The following MTMR7 variants were observed in gnomAD, a reference collection of about 807,000 sequenced individuals.
MTMR7 encodes the protein phosphatidylinositol-3-phosphate phosphatase MTMR7.
Under a neutral mutation model 81.2 loss-of-function variants are expected in MTMR7, and 76 were observed. That is an observed-to-expected ratio of 0.94 (90% CI 0.78 to 1.13). MTMR7 has a LOEUF of 1.13. MTMR7 is among the 50% of genes most tolerant of loss of function. The probability of loss-of-function intolerance (pLI) is 0.00; values close to 1 mark genes in which losing one functional copy is unlikely to be tolerated. For synonymous variants in MTMR7, 372 were observed against 289.8 expected (o/e 1.28, Z -2.88); for missense variants, 1,044 against 820.0 (o/e 1.27, Z -3.34).
intron 3 of MTMR7, among the ~76,000 whole-genome samples, chr8:17,364,647 C>T (rs1474581329): frequency 2.0e-5 from 3 of 152,170 alleles, no homozygotes; most frequent in Non-Finnish European, 2.9e-5. Context: ...GTCATAGATC[C>T]CACATGTAAG....
rs1011275826 is a variant in MTMR7 at position 17,297,436 on chromosome 8, GTAAAC to G, written c.*2421_*2425del. 6.6e-6 allele frequency: 1 copy of G among 151,622 alleles called. No individual in the cohort carries two copies. Among genetic ancestry groups the G allele is most frequent in the Non-Finnish European group, 1.5e-5 (1 of 67,720 alleles). The allele number at this position is 151,622 out of a possible 1,614,324, so 9.4% of individuals were successfully genotyped here. Reference sequence around the variant, plus strand: ...TCAGATTCATTTTTAGGAGAAGAAAGTAAACTAATGTGCTCTTAAAGAATAAAAAT... The same window carrying G: ...TCAGATTCATTTTTAGGAGAAGAAAGTAATGTGCTCTTAAAGAATAAAAAT... On this transcript the variant is annotated 3_prime_UTR_variant, in exon 14 of 14. Transcript: ENST00000180173.
chr8:17,325,119 C>T (rs144002582), intron 7 of MTMR7, among the ~76,000 whole-genome samples: 2 of 152,168 alleles, frequency 1.3e-5, no homozygotes, highest in African/African-American at 4.8e-5. Context: ...AAAGGGACAT[C>T]GGAACCGACA....
intron 7 of MTMR7, among the ~76,000 whole-genome samples, chr8:17,319,314 C>A (rs1280261587): frequency 6.6e-6 from 1 of 152,198 alleles, no homozygotes; most frequent in Non-Finnish European, 1.5e-5. Context: ...AAGCATTACA[C>A]TGGCATAAAG....
intron 5 of MTMR7, among the ~76,000 whole-genome samples, chr8:17,344,946 C>G (rs376898375): frequency 6.6e-6 from 1 of 151,896 alleles, no homozygotes; most frequent in African/African-American, 2.4e-5. Flanking sequence ...ATGCTGTGCA[C>G]CATCTTAAAG....
chr8:17,348,515 A>C (rs1450961703), intron 5 of MTMR7, among the ~76,000 whole-genome samples: 2 of 145,858 alleles, frequency 1.4e-5, no homozygotes, highest in Non-Finnish European at 3.0e-5. Context: ...GCACCACTGC[A>C]CTCTAGCCCA....
intron 4 of MTMR7, among the ~76,000 whole-genome samples, chr8:17,360,481 T>TC (rs1421051095): frequency 1.3e-5 from 2 of 151,498 alleles, no homozygotes; most frequent in African/African-American, 4.9e-5. Flanking sequence ...GTTTGGGGTT[T>TC]TTTTTTTTCC....
At chr8:17,338,100 A>G (rs1282059535) in intron 6 of MTMR7, among the ~76,000 whole-genome samples, 3 of 152,240 alleles carry the variant, frequency 2.0e-5, no homozygotes, top group Admixed American at 6.5e-5. Context: ...ACAGTCTTTA[A>G]AAGAATGAAA....
intron 3 of MTMR7, among the ~76,000 whole-genome samples, chr8:17,368,328 T>G (rs886597573): frequency 2.6e-5 from 4 of 152,152 alleles, no homozygotes; most frequent in African/African-American, 9.7e-5. Context: ...GCCCAGGGGT[T>G]GGGGACCCCT....
At chr8:17,339,146 C>A (rs538481275) in intron 6 of MTMR7, among the ~76,000 whole-genome samples, 2 of 152,130 alleles carry the variant, frequency 1.3e-5, no homozygotes, top group South Asian at 2.1e-4. Flanking sequence ...TGAGTGTAGA[C>A]CGTGTCTATA....
intron 3 of MTMR7, among the ~76,000 whole-genome samples, chr8:17,368,985 G>A (rs1820322718): frequency 6.6e-6 from 1 of 152,188 alleles, no homozygotes; most frequent in African/African-American, 2.4e-5. Context: ...CACGGCGAGA[G>A]TCCTGGCACT....
At chr8:17,315,277 C>T (rs779925736) in intron 7 of MTMR7, among the ~76,000 whole-genome samples, 1 of 152,052 alleles carries the variant, frequency 6.6e-6, no homozygotes, top group Non-Finnish European at 1.5e-5. Flanking sequence ...AACTATATGA[C>T]CTCCTAGAAA....
chr8:17,350,752 C>T (rs1819705907), intron 4 of MTMR7, among the ~76,000 whole-genome samples: 1 of 152,210 alleles, frequency 6.6e-6, no homozygotes, highest in African/African-American at 2.4e-5. Context: ...CCCTTGCTGA[C>T]CTCCACTGTC....
In MTMR7 at chr8:17,311,558, C is replaced by T. The variant is rs1239168899; in HGVS notation, c.1054G>A (p.Ala352Thr). 3 of 1,614,108 alleles carry T rather than the reference C, an allele frequency of 1.9e-6. No homozygotes were observed. The change falls in exon 9 of 14, where the codon GCA becomes ACA. Residue 352 changes from alanine to threonine, a missense_variant. Ala to Thr is a moderately conservative substitution (Grantham distance 58). Transcript: ENST00000180173. ...WDRTAQVCSV[A>T]SLLLDPHYRT... ...TAGTGAGGGTCCAGCAGCAGGCTTG[C>T]CACCGAGCACACCTGAGCGGTCCTG...
intron 1 of MTMR7, among the ~76,000 whole-genome samples, chr8:17,378,045 G>C (rs1034739306): frequency 6.6e-6 from 1 of 152,144 alleles, no homozygotes; most frequent in Non-Finnish European, 1.5e-5. Context: ...TTTTAGAAAA[G>C]CTCAGTGGAG....
At position 17,337,222 on chromosome 8, in the gene MTMR7, G is replaced by A. The variant is rs558461273; in HGVS notation, c.732+4141C>T. Among the ~76,000 whole-genome samples the A allele has an allele frequency of 1.1e-4, 16 of 152,034 alleles. No homozygotes were observed. The South Asian group carries it at 1.9e-3, about 18-fold the overall frequency. On this transcript the variant is annotated intron_variant, in intron 6 of 13. Coordinates refer to ENST00000180173, the MANE Select transcript of MTMR7 (RefSeq NM_004686.5). ...TACTAAAAATACAAAAAAATTAGCC[G>A]GGCGTGGTGGCGGGCACCTGTAAAC...
At chr8:17,358,253 A>T (rs911687433) in intron 4 of MTMR7, among the ~76,000 whole-genome samples, 8 of 152,216 alleles carry the variant, frequency 5.3e-5, no homozygotes, top group African/African-American at 1.9e-4. Context: ...TGACAAAGAG[A>T]AAGAAACAGT....
chr8:17,301,314 G>C (rs547113159), intron 13 of MTMR7, among the ~76,000 whole-genome samples: 1 of 152,180 alleles, frequency 6.6e-6, no homozygotes, highest in African/African-American at 2.4e-5. Flanking sequence ...AGAAGGAAAA[G>C]AACAGAGTAA....
intron 6 of MTMR7, among the ~76,000 whole-genome samples, chr8:17,336,815 G>C (rs1819254574): frequency 6.6e-6 from 1 of 152,198 alleles, no homozygotes; most frequent in African/African-American, 2.4e-5. Context: ...TCAGGCGTGT[G>C]CTCAGAGGTG....
intron 4 of MTMR7, among the ~76,000 whole-genome samples, chr8:17,353,649 G>A (rs1819800057): frequency 6.6e-6 from 1 of 152,190 alleles, no homozygotes. Context: ...AATTCAGAGA[G>A]AATATGAGAA....
Sources: gnomAD v4.1 joint callset for allele counts (sites outside exome capture counted in the v4.1 genomes callset) on GRCh38, gnomAD v4.1.1 for gene constraint, MANE v1.5 for transcripts, NCBI Gene and HGNC (gene_info 2026-07-23, HGNC 2026-07-21) for gene names.